Variants in FOXR1 observed in about 807,000 individuals in gnomAD.
FOXR1 encodes forkhead box protein R1.
A neutral mutation model predicts 34.5 loss-of-function variants in FOXR1; 25 were observed. The ratio of observed to expected loss-of-function variants is 0.72; its 90% CI spans 0.53 to 1.01. The LOEUF is 1.01. Among genes scored for constraint, FOXR1 ranks in the 50% least tolerant of loss-of-function variants. The pLI is 0.00. For missense variants in FOXR1, 373 were observed against 376.2 expected (o/e 0.99, Z 0.07); for synonymous variants, 153 against 141.6 (o/e 1.08, Z -0.57).
chr11:118,980,362 A>T (rs1941839580), intron 4 of FOXR1, 128 bp from the exon 5 acceptor site: 7 of 1,095,742 alleles, frequency 6.4e-6, no homozygotes, highest in Non-Finnish European at 9.8e-6. Context: ...GAGCAACTCC[A>T]GGCCAACTTG....
chr11:118,981,058 T>C (rs1176263518), intron 5 of FOXR1, 150 bp from the exon 6 acceptor site: 1 of 777,058 alleles, frequency 1.3e-6, no homozygotes, highest in Non-Finnish European at 2.3e-6. Flanking sequence ...ACTTCTACTT[T>C]CCCTGGAGCA....
At position 118,971,799 on chromosome 11, in the gene FOXR1, G is replaced by A. The variant is rs1399833949; in HGVS notation, c.-133G>A. 5.3e-6 allele frequency: 5 copies of A among 940,002 alleles called. No homozygotes were observed. Among genetic ancestry groups the A allele is most frequent in the African/African-American group, 3.3e-5 (2 of 61,172 alleles). The allele number at this position is 940,002 out of a possible 1,614,324, so 58.2% of individuals were successfully genotyped here. On this transcript the variant is annotated 5_prime_UTR_variant, in exon 1 of 6. Coordinates refer to ENST00000317011, the MANE Select transcript of FOXR1 (RefSeq NM_181721.3). ...CGCCTGTGAGGGTCGCTCCTCAGCCGCCGCGCTCCCACTCCGCGTCCCCAC... is the reference window on the plus strand; with the variant it reads ...CGCCTGTGAGGGTCGCTCCTCAGCCACCGCGCTCCCACTCCGCGTCCCCAC...
At chr11:118,972,109 TGGG>T in intron 1 of FOXR1, 117 bp downstream of exon 1, 1 of 749,068 alleles carries the variant, frequency 1.3e-6, no homozygotes, top group Non-Finnish European at 1.9e-6. Flanking sequence ...CGGGGAGGCT[TGGG>T]GGGCCGAGCG....
At chr11:118,972,052 C>T (rs1941711369) in intron 1 of FOXR1, 60 bp downstream of exon 1, 7 of 1,367,734 alleles carry the variant, frequency 5.1e-6, no homozygotes, top group Admixed American at 5.0e-5. Flanking sequence ...CCTAGGGGCT[C>T]GCGGGACCCC....
At chr11:118,977,660 C>G (rs540372295) in intron 1 of FOXR1, among the ~76,000 whole-genome samples, 1 of 152,096 alleles carries the variant, frequency 6.6e-6, no homozygotes, top group East Asian at 1.9e-4. Context: ...CTGAGCTCTC[C>G]GATAAGTATA....
intron 1 of FOXR1, among the ~76,000 whole-genome samples, chr11:118,977,946 G>A (rs567401182): frequency 4.6e-5 from 7 of 152,218 alleles, no homozygotes; most frequent in Admixed American, 1.3e-4. Flanking sequence ...TGGGCTGGGC[G>A]CGGTGGCTCA....
intron 1 of FOXR1, among the ~76,000 whole-genome samples, chr11:118,972,368 T>A (rs560782182): frequency 2.0e-5 from 3 of 152,114 alleles, no homozygotes; most frequent in African/African-American, 7.2e-5. Context: ...TTTGCTATAC[T>A]GTATATTTCA....
rs75627685 is a variant in FOXR1 at position 118,980,893 on chromosome 11, G to C, written c.850+165G>C. On this transcript the variant is annotated intron_variant, in intron 5 of 5. Transcript: ENST00000317011. The stretch of plus-strand genomic sequence containing the variant: ...TGAGACCCTCAGGTGATGCCTGCCT[G>C]AGGTGAGACCTCCCCCACCAGTGTG... 6.4e-3 allele frequency among the ~76,000 whole-genome samples: 982 copies of C among 152,304 alleles called. 14 individuals are homozygous for C. Among genetic ancestry groups the C allele is most frequent in the African/African-American group, 0.021 (858 of 41,566 alleles).
At position 118,980,653 on chromosome 11, in the gene FOXR1, C is replaced by T. The variant is rs369362432; in HGVS notation, c.775C>T (p.Arg259Cys). 28 of 1,613,958 alleles carry T rather than the reference C, an allele frequency of 1.7e-5. No homozygotes were observed. In the Admixed American group the frequency reaches 1.8e-4, roughly 11 times the overall value. Residue 259 changes from arginine (R) to cysteine (C), a missense_variant, in exon 5 of 6, where the codon CGC becomes TGC. Transcript: ENST00000317011. ...CLWKLTEEGH[R>C]RFAEEARALA... ...CTGGAAGTTGACCGAGGAGGGACAC[C>T]GCCGCTTTGCGGAGGAGGCCCGCGC... is the stretch of plus-strand genomic sequence containing the variant.
At chr11:118,977,865 T>C (rs1941798605) in intron 1 of FOXR1, among the ~76,000 whole-genome samples, 1 of 152,128 alleles carries the variant, frequency 6.6e-6, no homozygotes, top group African/African-American at 2.4e-5. Context: ...AGCAGGAGGA[T>C]TGCTTGAACC....
chr11:118,979,264 G>A (rs1941820940), intron 3 of FOXR1, 60 bp downstream of exon 3: 2 of 1,503,948 alleles, frequency 1.3e-6, no homozygotes, highest in Non-Finnish European at 1.8e-6. Flanking sequence ...ATGGGGAAGA[G>A]CCATTACAGT....
At chr11:118,973,007 GT>G (rs1279457340) in intron 1 of FOXR1, among the ~76,000 whole-genome samples, 3 of 152,084 alleles carry the variant, frequency 2.0e-5, no homozygotes, top group Non-Finnish European at 4.4e-5. Flanking sequence ...GAGAGCTGTT[GT>G]TTTAGGTTGC....
chr11:118,972,490 T>G (rs1941723343), intron 1 of FOXR1, among the ~76,000 whole-genome samples: 1 of 152,172 alleles, frequency 6.6e-6, no homozygotes, highest in Non-Finnish European at 1.5e-5. Context: ...TGCCAAATGC[T>G]TAGTTGACCA....
intron 5 of FOXR1, 88 bp from the exon 6 acceptor site, chr11:118,981,120 G>A: frequency 7.6e-7 from 1 of 1,314,480 alleles, no homozygotes. Flanking sequence ...AGTGAAAGAA[G>A]CAGATGACCT....
rs995000343 is a variant in FOXR1 at position 118,971,779 on chromosome 11, G to C, written c.-153G>C. On this transcript the variant is annotated 5_prime_UTR_variant, in exon 1 of 6. Transcript: ENST00000317011. ...AGCCGGCGCATTTGAGAAGGCGCCT[G>C]TGAGGGTCGCTCCTCAGCCGCCGCG... is the stretch of plus-strand genomic sequence containing the variant. 6.3e-5 allele frequency: 48 copies of C among 760,204 alleles called. No individual in the cohort carries two copies. The highest frequency in any genetic ancestry group is 5.3e-4 in the Admixed American group (25 of 47,172). 47.1% of individuals were successfully genotyped at this position (760,204 alleles called of 1,614,324 possible). A position where few individuals can be genotyped will look rare whatever the true frequency, so the allele number is the denominator to read the frequency against.
intron 1 of FOXR1, among the ~76,000 whole-genome samples, chr11:118,973,154 T>C (rs1941737265): frequency 6.6e-6 from 1 of 152,224 alleles, no homozygotes; most frequent in South Asian, 2.1e-4. Context: ...CTAATGAACA[T>C]TCTTTCTTGT....
Position 118,979,010 on chromosome 11 carries a change from C to T in FOXR1, c.190C>T (p.Pro64Ser). 4 of 1,601,284 alleles carry T rather than the reference C, an allele frequency of 2.5e-6. No homozygotes were observed. Among genetic ancestry groups the T allele is most frequent in the African/African-American group, 2.7e-5 (2 of 74,560 alleles). The change falls in exon 3 of 6, where the codon CCC (proline) becomes TCC (serine). Residue 64 changes from proline (P) to serine (S), a missense_variant. By Grantham distance (74) the Pro-to-Ser change is moderately conservative. Coordinates refer to ENST00000317011, the MANE Select transcript of FOXR1 (RefSeq NM_181721.3). ...GTGGGTAAATCCCAACATTGTGTAT[C>T]CCCCTGGAAAGCTGGAGGTCTCAGG... ...WMWVNPNIVYPPGKLEVSGRR... is the reference protein window; with the variant it reads ...WMWVNPNIVYSPGKLEVSGRR...
rs1264816282 is a variant in FOXR1, at chr11:118,972,114, G to A, written c.61+122G>A. ...CCCCACCTCCCGGGGAGGCTTGGGG[G>A]GCCGAGCGCCCCGCGCCCCCCCCCC... On this transcript the variant is annotated intron_variant, in intron 1 of 5. Transcript: ENST00000317011. 9 of 725,796 alleles carry A rather than the reference G, an allele frequency of 1.2e-5. No homozygotes were observed. In the African/African-American group the frequency reaches 1.7e-4, roughly 14 times the overall value. The allele number at this position is 725,796 out of a possible 1,614,324, so 45.0% of individuals were successfully genotyped here.
rs1941704718 is a variant in FOXR1, at chr11:118,971,800, C to T, written c.-132C>T. The stretch of plus-strand genomic sequence containing the variant: ...GCCTGTGAGGGTCGCTCCTCAGCCG[C>T]CGCGCTCCCACTCCGCGTCCCCACT... On this transcript the variant is annotated 5_prime_UTR_variant, in exon 1 of 6. Coordinates refer to ENST00000317011, the MANE Select transcript of FOXR1 (RefSeq NM_181721.3). The T allele has an allele frequency of 2.1e-6, 2 of 955,480 alleles. No homozygotes were observed. The highest frequency in any genetic ancestry group is 5.3e-5 in the East Asian group (2 of 37,948). The allele number at this position is 955,480 out of a possible 1,614,324, so 59.2% of individuals were successfully genotyped here. A position where few individuals can be genotyped will look rare whatever the true frequency, so the allele number is the denominator to read the frequency against.
Sources: gnomAD v4.1 joint callset for allele counts (sites outside exome capture counted in the v4.1 genomes callset) on GRCh38, gnomAD v4.1.1 for gene constraint, MANE v1.5 for transcripts, NCBI Gene and HGNC (gene_info 2026-07-23, HGNC 2026-07-21) for gene names.